The following MAP1B variants were observed in gnomAD, a reference collection of about 807,000 sequenced individuals.
The protein encoded by MAP1B is microtubule associated protein 1B, also known as microtubule-associated protein 1B.
A neutral mutation model predicts 176.1 loss-of-function variants in MAP1B; 12 were observed. The ratio of observed to expected loss-of-function variants is 0.07; its 90% confidence interval spans 0.04 to 0.11. The LOEUF (loss-of-function observed/expected upper bound fraction) is 0.11, where lower values mean the gene tolerates loss of function less well. MAP1B is among the 10% of genes least tolerant of loss of function. MAP1B has a pLI of 1.00. For synonymous variants in MAP1B, 1,044 were observed against 1,135.0 expected (o/e 0.92, Z 1.61); for missense variants, 2,523 against 2,990.5 (o/e 0.84, Z 3.65).
chr5:72,157,623 A>G (rs1323213217), intron 2 of MAP1B, among the ~76,000 whole-genome samples: 1 of 152,176 alleles, frequency 6.6e-6, no homozygotes, highest in East Asian at 1.9e-4. Flanking sequence ...AGTGGGCAGC[A>G]GAATCTAAAA....
At chr5:72,163,916 C>CTTTTTTTTTTTTTTTTTTTTTTTTTTTT (rs796802217) in intron 2 of MAP1B, among the ~76,000 whole-genome samples, 1 of 97,102 alleles carries the variant, frequency 1.0e-5, no homozygotes, top group Admixed American at 1.3e-4. Context: ...CTCTCTCTCT[C>CTTTTTTTTTTTTTTTTTTTTTTTTTTTT]TTTTTTTTTT....
At chr5:72,157,832 A>G (rs1746252670) in intron 2 of MAP1B, among the ~76,000 whole-genome samples, 1 of 152,142 alleles carries the variant, frequency 6.6e-6, no homozygotes, top group Non-Finnish European at 1.5e-5. Context: ...TTGCACATAG[A>G]AAGCAGTTAC....
At position 72,199,295 on chromosome 5, in the gene MAP1B, T is replaced by C; in HGVS notation, c.5940T>C (p.Ser1980=). 6.2e-7 allele frequency: 1 copy of C among 1,614,142 alleles called. No individual in the cohort carries two copies. The highest frequency in any genetic ancestry group is 1.1e-5 in the South Asian group (1 of 91,076). Residue 1980 remains serine (S), a synonymous_variant, in exon 5 of 7, where the codon TCT becomes TCC. Transcript: ENST00000296755. The surrounding 1 kb of genome is among the most constrained non-coding windows in gnomAD (Gnocchi z 4.2). The part of the protein sequence containing the change: ...SGYSYEKTER[S]RRLLDDISNG... ...ACAGCTATGAAAAGACTGAGAGGTC[T>C]AGAAGGCTTCTGGATGACATCAGCA...
rs1274492325 is a variant in MAP1B at position 72,186,885 on chromosome 5, A to G, written c.510+131A>G. The G allele has an allele frequency of 2.1e-6, 2 of 974,416 alleles. No homozygotes were observed. Among genetic ancestry groups the G allele is most frequent in the Non-Finnish European group, 3.1e-6 (2 of 650,796 alleles). 60.4% of individuals were successfully genotyped at this position (974,416 alleles called of 1,614,324 possible). A position where few individuals can be genotyped will look rare whatever the true frequency, so the allele number is the denominator to read the frequency against. On this transcript the variant is annotated intron_variant, in intron 4 of 6. Transcript: ENST00000296755. This position sits in a 1 kb window ranked among gnomAD's most constrained non-coding sequence, Gnocchi z 4.3. ...GCTCTCCTGAAATAAGCAAAACTGC[A>G]TGATCCAAAATACTTTATTTCTATG...
intron 1 of MAP1B, among the ~76,000 whole-genome samples, chr5:72,112,982 G>A (rs564717375): frequency 6.6e-6 from 1 of 152,290 alleles, no homozygotes; most frequent in South Asian, 2.1e-4. Flanking sequence ...TTCAGAGAGG[G>A]GAGAATATGG....
chr5:72,133,528 G>C (rs1745776146), intron 2 of MAP1B, among the ~76,000 whole-genome samples: 1 of 152,154 alleles, frequency 6.6e-6, no homozygotes, highest in African/African-American at 2.4e-5. Context: ...AGCTACAGTG[G>C]CCAAGTTCAA....
intron 2 of MAP1B, among the ~76,000 whole-genome samples, chr5:72,155,704 G>A (rs1362455095): frequency 6.6e-6 from 1 of 151,470 alleles, no homozygotes; most frequent in Non-Finnish European, 1.5e-5. Context: ...CTAGTCTTGA[G>A]TAGCCTTTCT....
rs1196096863 is a variant in MAP1B at position 72,199,732 on chromosome 5, C to T, written c.6377C>T (p.Ser2126Leu). The change falls in exon 5 of 7, where the codon TCA becomes TTA. Residue 2126 changes from serine to leucine, a missense_variant. Coordinates refer to ENST00000296755, the MANE Select transcript of MAP1B (RefSeq NM_005909.5). This position sits in a 1 kb window ranked among gnomAD's most constrained non-coding sequence, Gnocchi z 4.2. The stretch of plus-strand genomic sequence containing the variant: ...GAATCTGAAAAGCCCCTCACTCAAT[C>T]AGGGGGAGCCCCACCGCCTCCAGGA... Reference protein sequence around the residue: ...TEESEKPLTQSGGAPPPPGGK... With the variant: ...TEESEKPLTQLGGAPPPPGGK... 1 of 1,614,142 alleles carries T rather than the reference C, an allele frequency of 6.2e-7. No individual in the cohort carries two copies. Among genetic ancestry groups the T allele is most frequent in the East Asian group, 2.2e-5 (1 of 44,876 alleles).
chr5:72,166,395 G>T (rs1746429712), intron 2 of MAP1B, among the ~76,000 whole-genome samples: 1 of 152,118 alleles, frequency 6.6e-6, no homozygotes, highest in Non-Finnish European at 1.5e-5. Flanking sequence ...CAGGATCCCG[G>T]TACACGATGG....
At chr5:72,123,569 A>G (rs1039748036) in intron 2 of MAP1B, among the ~76,000 whole-genome samples, 3 of 150,714 alleles carry the variant, frequency 2.0e-5, no homozygotes, top group East Asian at 4.0e-4. Context: ...ACTGCAAGCT[A>G]TGCCTCCCAG....
intron 2 of MAP1B, among the ~76,000 whole-genome samples, chr5:72,155,770 T>TC (rs200327016): frequency 0.022 from 3,268 of 148,736 alleles, 127 homozygotes; most frequent in African/African-American, 0.076. Flanking sequence ...TCTTTTCTTT[T>TC]TTTTTTTTTT....
chr5:72,161,467 CTT>C (rs974127250), intron 2 of MAP1B, among the ~76,000 whole-genome samples: 1 of 152,186 alleles, frequency 6.6e-6, no homozygotes, highest in Non-Finnish European at 1.5e-5. Flanking sequence ...CTGTGAGACT[CTT>C]TTCAACCCAA....
chr5:72,121,214 A>G (rs1304457400), intron 2 of MAP1B, among the ~76,000 whole-genome samples: 1 of 151,678 alleles, frequency 6.6e-6, no homozygotes, highest in Non-Finnish European at 1.5e-5. Flanking sequence ...TGCTATGATA[A>G]CCCATCCATG....
intron 2 of MAP1B, among the ~76,000 whole-genome samples, chr5:72,176,471 G>A (rs552655884): frequency 1.2e-4 from 18 of 152,234 alleles, no homozygotes; most frequent in East Asian, 1.9e-4. Flanking sequence ...CAGCTCTTTC[G>A]TCCATGAAGA....
chr5:72,133,481 T>C (rs113630014), intron 2 of MAP1B, among the ~76,000 whole-genome samples: 1 of 152,110 alleles, frequency 6.6e-6, no homozygotes, highest in African/African-American at 2.4e-5. Context: ...CCAACCTTCT[T>C]TGAGTCCAGC....
intron 2 of MAP1B, among the ~76,000 whole-genome samples, chr5:72,153,515 G>A (rs1164556187): frequency 6.6e-6 from 1 of 151,770 alleles, no homozygotes; most frequent in Non-Finnish European, 1.5e-5. Flanking sequence ...GCAGAAGTGA[G>A]GCCTGGAGTC....
At position 72,197,165 on chromosome 5, in the gene MAP1B, C is replaced by A. The variant is rs79516161; in HGVS notation, c.3810C>A (p.Thr1270=). Residue 1270 remains threonine (T), a synonymous_variant, in exon 5 of 7, where the codon ACC becomes ACA. Coordinates refer to ENST00000296755, the MANE Select transcript of MAP1B (RefSeq NM_005909.5). Reference sequence around the variant, plus strand: ...CTCCACCATCACCCTTAGAAAAGACCCCCCTGGGTGAACGTAGTGTGAACT... The same window carrying A: ...CTCCACCATCACCCTTAGAAAAGACACCCCTGGGTGAACGTAGTGTGAACT... The part of the protein sequence containing the change: ...SPSPPSPLEK[T]PLGERSVNFS... The A allele has an allele frequency of 2.9e-4, 470 of 1,614,122 alleles. 2 individuals are homozygous for A. The African/African-American group carries it at 5.2e-3, about 18-fold the overall frequency.
At chr5:72,128,912 C>T (rs1745675604) in intron 2 of MAP1B, among the ~76,000 whole-genome samples, 1 of 152,188 alleles carries the variant, frequency 6.6e-6, no homozygotes, top group Non-Finnish European at 1.5e-5. Flanking sequence ...CTTGGCCTCC[C>T]AAAGTGCTGG....
At chr5:72,163,916 C>CTTTTTTTTTTTTTTTTTTTT (rs796802217) in intron 2 of MAP1B, among the ~76,000 whole-genome samples, 2 of 97,102 alleles carry the variant, frequency 2.1e-5, no homozygotes, top group Admixed American at 1.3e-4. Flanking sequence ...CTCTCTCTCT[C>CTTTTTTTTTTTTTTTTTTTT]TTTTTTTTTT....
Sources: allele counts gnomAD v4.1 joint callset (sites outside exome capture counted in the v4.1 genomes callset), GRCh38; gene constraint gnomAD v4.1.1; non-coding constraint Gnocchi (gnomAD v3.1); transcripts MANE v1.5; gene names NCBI Gene and HGNC (gene_info 2026-07-23, HGNC 2026-07-21).